CACNA2D3: variants seen among roughly 807,000 people sequenced by gnomAD.
CACNA2D3 encodes voltage-dependent calcium channel subunit alpha-2/delta-3.
A neutral mutation model predicts 160.6 loss-of-function variants in CACNA2D3; 60 were observed. That is an observed-to-expected ratio of 0.37 (90% CI 0.30 to 0.46). The LOEUF (loss-of-function observed/expected upper bound fraction) is 0.46. Ranked by LOEUF, CACNA2D3 falls within the 20% of genes least tolerant of loss-of-function variation. CACNA2D3 has a pLI of 1.00. For missense variants in CACNA2D3, 1,205 were observed against 1,365.0 expected (o/e 0.88, Z 1.85); for synonymous variants, 558 against 492.9 (o/e 1.13, Z -1.75).
chr3:54,914,411 T>C (rs188357818), intron 27 of CACNA2D3, among the ~76,000 whole-genome samples: 92 of 152,326 alleles, frequency 6.0e-4, no homozygotes, highest in Admixed American at 1.6e-3. Flanking sequence ...CTAAATGCTC[T>C]CTAAGACCCT....
chr3:54,593,914 CTG>C (rs1702906104), intron 9 of CACNA2D3, among the ~76,000 whole-genome samples: 1 of 152,192 alleles, frequency 6.6e-6, no homozygotes, highest in Non-Finnish European at 1.5e-5. Context: ...GATCTAGGGA[CTG>C]TTTCTATGCG....
At chr3:54,440,689 A>G (rs537312017) in intron 4 of CACNA2D3, among the ~76,000 whole-genome samples, 2 of 151,826 alleles carry the variant, frequency 1.3e-5, no homozygotes, top group Admixed American at 1.3e-4. Flanking sequence ...TCCTGTGTCC[A>G]TGTGTTCTCA....
At chr3:54,573,363 T>C (rs1702530493) in intron 8 of CACNA2D3, among the ~76,000 whole-genome samples, 1 of 152,242 alleles carries the variant, frequency 6.6e-6, no homozygotes, top group Non-Finnish European at 1.5e-5. Flanking sequence ...CTTTTTAATG[T>C]AGGCAATGTA....
chr3:54,679,657 C>T (rs1200087019), intron 11 of CACNA2D3, among the ~76,000 whole-genome samples: 1 of 152,216 alleles, frequency 6.6e-6, no homozygotes, highest in Non-Finnish European at 1.5e-5. Context: ...CTGGCAGTTG[C>T]TGACATAGGA....
chr3:54,150,577 A>C (rs1166721237), intron 2 of CACNA2D3, among the ~76,000 whole-genome samples: 1 of 152,216 alleles, frequency 6.6e-6, no homozygotes, highest in Non-Finnish European at 1.5e-5. Flanking sequence ...ATAACTTGGG[A>C]CATGGTAAAT....
intron 17 of CACNA2D3, among the ~76,000 whole-genome samples, chr3:54,870,306 C>A (rs564520561): frequency 6.6e-6 from 1 of 152,138 alleles, no homozygotes; most frequent in Non-Finnish European, 1.5e-5. Flanking sequence ...AGTAGCTGAT[C>A]AGTGTCAAAA....
In CACNA2D3 at chr3:54,701,149, C is replaced by G. The variant is rs186812845; in HGVS notation, c.1168-51450C>G. On this transcript the variant is annotated intron_variant, in intron 11 of 37. Coordinates refer to ENST00000474759, the MANE Select transcript of CACNA2D3 (RefSeq NM_018398.3). ...TTGGCCACTGATCTGAAGTTTCTTTCTAGGCTTTACAAGTCATCTCTAATC... is the reference window on the plus strand; with the variant it reads ...TTGGCCACTGATCTGAAGTTTCTTTGTAGGCTTTACAAGTCATCTCTAATC... Among the ~76,000 whole-genome samples, 138 of 152,312 alleles carry G rather than the reference C, an allele frequency of 9.1e-4. 1 individual carries two copies. The highest frequency in any genetic ancestry group is 3.2e-3 in the African/African-American group (133 of 41,582).
At chr3:54,526,701 GT>G (rs1489394417) in intron 5 of CACNA2D3, among the ~76,000 whole-genome samples, 1 of 152,036 alleles carries the variant, frequency 6.6e-6, no homozygotes, top group East Asian at 1.9e-4. Context: ...TTTCATTGTT[GT>G]TTTTTCGAGA....
chr3:54,228,227 A>C (rs1013102876), intron 2 of CACNA2D3, among the ~76,000 whole-genome samples: 4 of 152,164 alleles, frequency 2.6e-5, no homozygotes, highest in Admixed American at 2.6e-4. Context: ...GGCTGTTCAA[A>C]GGTTCAGTTT....
intron 5 of CACNA2D3, among the ~76,000 whole-genome samples, chr3:54,533,332 C>CTTTTTTTTTTTTT (rs60076440): frequency 2.1e-5 from 2 of 97,306 alleles, no homozygotes; most frequent in African/African-American, 8.1e-5. Flanking sequence ...CTTTTCTTTC[C>CTTTTTTTTTTTTT]TTTTTTTTTT....
At chr3:54,497,528 A>G (rs1322084458) in intron 4 of CACNA2D3, among the ~76,000 whole-genome samples, 1 of 152,024 alleles carries the variant, frequency 6.6e-6, no homozygotes, top group Non-Finnish European at 1.5e-5. Context: ...AGGATTTTCT[A>G]TATAGACAAA....
At chr3:54,892,984 A>AG (rs1449685542) in intron 25 of CACNA2D3, among the ~76,000 whole-genome samples, 5 of 152,198 alleles carry the variant, frequency 3.3e-5, no homozygotes, top group Admixed American at 2.0e-4. Flanking sequence ...ATCAAAAAAA[A>AG]TTATGGATGA....
chr3:54,497,856 A>G (rs192364605), intron 4 of CACNA2D3, among the ~76,000 whole-genome samples: 5 of 152,016 alleles, frequency 3.3e-5, no homozygotes, highest in Non-Finnish European at 5.9e-5. Context: ...ATTTGATGTT[A>G]TGATTTTCCT....
At chr3:54,466,646 A>G (rs1221558819) in intron 4 of CACNA2D3, among the ~76,000 whole-genome samples, 1 of 152,200 alleles carries the variant, frequency 6.6e-6, no homozygotes, top group Admixed American at 6.5e-5. Flanking sequence ...GGACTTAAAC[A>G]TGTGGAAAAG....
intron 4 of CACNA2D3, among the ~76,000 whole-genome samples, chr3:54,472,518 A>G (rs1465263888): frequency 2.6e-5 from 4 of 152,198 alleles, no homozygotes; most frequent in African/African-American, 9.6e-5. Context: ...TCAACATAGT[A>G]TTGGAAGTTC....
intron 16 of CACNA2D3, among the ~76,000 whole-genome samples, chr3:54,841,287 C>T (rs1308456960): frequency 1.3e-5 from 2 of 152,194 alleles, no homozygotes; most frequent in African/African-American, 4.8e-5. Flanking sequence ...CAACATCATT[C>T]TGCTAGTAAC....
Position 54,871,704 on chromosome 3 carries a change from G to A in CACNA2D3, c.1710+82G>A, listed in dbSNP as rs1341836040. 9 of 1,055,538 alleles carry A rather than the reference G, an allele frequency of 8.5e-6. No individual in the cohort carries two copies. The East Asian group carries it at 9.7e-5, about 11-fold the overall frequency. 65.4% of individuals were successfully genotyped at this position (1,055,538 alleles called of 1,614,324 possible). A position where few individuals can be genotyped will look rare whatever the true frequency, so the allele number is the denominator to read the frequency against. ...TACCTGGGGGCGATCCCAGGAGTTGGCCAAGAGGCCCACTGAAGGGACACC... is the reference window on the plus strand; with the variant it reads ...TACCTGGGGGCGATCCCAGGAGTTGACCAAGAGGCCCACTGAAGGGACACC... On this transcript the variant is annotated intron_variant, in intron 18 of 37. Coordinates refer to ENST00000474759, the MANE Select transcript of CACNA2D3 (RefSeq NM_018398.3).
At chr3:54,569,212 G>A (rs1241599700) in intron 6 of CACNA2D3, among the ~76,000 whole-genome samples, 1 of 152,208 alleles carries the variant, frequency 6.6e-6, no homozygotes, top group East Asian at 1.9e-4. Flanking sequence ...GGCTTCAGGA[G>A]CTGAAATTCA....
intron 4 of CACNA2D3, among the ~76,000 whole-genome samples, chr3:54,500,668 T>C (rs895299711): frequency 6.6e-6 from 1 of 151,998 alleles, no homozygotes; most frequent in Non-Finnish European, 1.5e-5. Context: ...ATTGAACATG[T>C]TATGTGACTT....
Sources: gnomAD v4.1 joint callset for allele counts (sites outside exome capture counted in the v4.1 genomes callset) on GRCh38, gnomAD v4.1.1 for gene constraint, MANE v1.5 for transcripts, NCBI Gene and HGNC (gene_info 2026-07-23, HGNC 2026-07-21) for gene names.